KAZN: variants seen among roughly 807,000 people sequenced by gnomAD.
KAZN encodes kazrin, periplakin interacting protein.
Under a neutral mutation model 87.4 loss-of-function variants are expected in KAZN, and 40 were observed. The ratio of observed to expected loss-of-function variants is 0.46; its 90% CI spans 0.36 to 0.60. The LOEUF (loss-of-function observed/expected upper bound fraction) is 0.60, where lower values mean the gene tolerates loss of function less well. Ranked by LOEUF, KAZN falls within the 20% of genes least tolerant of loss-of-function variation. KAZN has a pLI of 0.00. For missense variants in KAZN, 898 were observed against 1,073.9 expected, an observed-to-expected ratio of 0.84 and a Z score of 2.29; for synonymous variants, 466 against 458.3, an observed-to-expected ratio of 1.02 and a Z score of -0.22.
At chr1:14,200,302 A>G (rs563109426) in intron 2 of KAZN, among the ~76,000 whole-genome samples, 6 of 152,322 alleles carry the variant, frequency 3.9e-5, no homozygotes, top group African/African-American at 1.4e-4. Flanking sequence ...AGCTTAGAAG[A>G]AAGTACACAG....
At chr1:14,801,301 C>T (rs1242519848) in intron 1 of KAZN, among the ~76,000 whole-genome samples, 1 of 152,142 alleles carries the variant, frequency 6.6e-6, no homozygotes, top group East Asian at 1.9e-4. Flanking sequence ...GGAGTCAAAA[C>T]CAGGAGAAAG....
chr1:14,842,112 G>C (rs1424662066), intron 1 of KAZN, among the ~76,000 whole-genome samples: 1 of 152,146 alleles, frequency 6.6e-6, no homozygotes, highest in Admixed American at 6.5e-5. Context: ...ATCTTTTGCT[G>C]ATTTGTCTTT....
intron 10 of KAZN, among the ~76,000 whole-genome samples, chr1:15,100,142 T>A (rs377509214): frequency 4.6e-5 from 7 of 152,120 alleles, no homozygotes; most frequent in East Asian, 3.9e-4. Flanking sequence ...CCCTCACGGG[T>A]GCCTTCCAGA....
intron 12 of KAZN, 49 bp from the exon 13 acceptor site, chr1:15,103,974 C>T: frequency 6.3e-7 from 1 of 1,580,572 alleles, no homozygotes; most frequent in Non-Finnish European, 8.6e-7. Flanking sequence ...CCCCTTAGGC[C>T]AGCAGCATGG....
intron 1 of KAZN, among the ~76,000 whole-genome samples, chr1:14,025,146 A>AT (rs1641013669): frequency 6.6e-6 from 1 of 152,170 alleles, no homozygotes; most frequent in African/African-American, 2.4e-5. Flanking sequence ...AGGGGAAGAC[A>AT]TTTTTTGCAT....
At position 14,068,864 on chromosome 1, in the gene KAZN, T is replaced by C. The variant is rs1557448559; in HGVS notation, c.92-111571T>C. On this transcript the variant is annotated intron_variant, in intron 1 of 16. Transcript: ENST00000636203. ...CCAGGCCTGGAGTGCAGTGGCGCCA[T>C]CTCAGCTTACTGCAACCTCTGCCTC... Among the ~76,000 whole-genome samples, 5 of 150,794 alleles carry C rather than the reference T, an allele frequency of 3.3e-5. No individual in the cohort carries two copies. In the South Asian group the frequency reaches 1.1e-3, roughly 32 times the overall value.
chr1:14,450,606 A>C (rs1342603675), intron 2 of KAZN, among the ~76,000 whole-genome samples: 4 of 152,014 alleles, frequency 2.6e-5, no homozygotes, highest in Non-Finnish European at 5.9e-5. Context: ...ACAAACAAAA[A>C]ACAACAACAG....
chr1:14,785,677 T>C (rs1390724603), intron 1 of KAZN, among the ~76,000 whole-genome samples: 1 of 152,186 alleles, frequency 6.6e-6, no homozygotes, highest in Non-Finnish European at 1.5e-5. Flanking sequence ...CTCAGTCTCC[T>C]CATCTCTAAG....
intron 2 of KAZN, among the ~76,000 whole-genome samples, chr1:14,417,447 G>T (rs1359577958): frequency 6.6e-6 from 1 of 152,156 alleles, no homozygotes; most frequent in Non-Finnish European, 1.5e-5. Context: ...GAACTAAGAA[G>T]CCTATAAGGA....
rs36056434 is a variant in KAZN at position 14,632,569 on chromosome 1, CTTTTTTT to C, written c.226+33357_226+33363del. Among the ~76,000 whole-genome samples, 3 of 131,168 alleles carry C rather than the reference CTTTTTTT, an allele frequency of 2.3e-5. No individual in the cohort carries two copies. In the East Asian group the frequency reaches 6.7e-4, roughly 29 times the overall value. 86.1% of individuals were successfully genotyped at this position (131,168 alleles called of 152,430 possible). On this transcript the variant is annotated intron_variant, in intron 1 of 14. Transcript: ENST00000376030. Reference sequence around the variant, plus strand: ...CAGCAGGAGAATCCTTTCTTTTGGGCTTTTTTTTTTTTTTTTTAATTCACTCATTGGA... The same window carrying C: ...CAGCAGGAGAATCCTTTCTTTTGGGCTTTTTTTTTTAATTCACTCATTGGA...
intron 1 of KAZN, among the ~76,000 whole-genome samples, chr1:14,150,604 T>C (rs944932374): frequency 3.9e-5 from 6 of 152,208 alleles, no homozygotes; most frequent in African/African-American, 1.4e-4. Flanking sequence ...TGTATGTTAA[T>C]TGAACTAGGC....
intron 2 of KAZN, among the ~76,000 whole-genome samples, chr1:14,548,114 C>T (rs978827657): frequency 2.0e-5 from 3 of 151,616 alleles, no homozygotes; most frequent in Non-Finnish European, 4.4e-5. Flanking sequence ...TTGTATTGGG[C>T]CGCATTCAAA....
intron 2 of KAZN, among the ~76,000 whole-genome samples, chr1:14,997,782 G>C (rs1668047901): frequency 6.6e-6 from 1 of 152,104 alleles, no homozygotes; most frequent in African/African-American, 2.4e-5. Context: ...GGGCACCTGG[G>C]GTCCACTGGG....
chr1:14,833,992 CACACACACACACACACAT>C (rs1162364457), intron 1 of KAZN, among the ~76,000 whole-genome samples: 27 of 150,570 alleles, frequency 1.8e-4, no homozygotes, highest in Non-Finnish European at 3.7e-4. Context: ...CACACACACA[CACACACACACACACACAT>C]ACACACACAT....
chr1:14,727,450 CTTTTTTTTTTTTTTTTTTTTTTTT>C lies in KAZN; in HGVS notation c.226+128250_226+128273del, dbSNP rs57203868. Among the ~76,000 whole-genome samples, 467 of 73,912 alleles carry C rather than the reference CTTTTTTTTTTTTTTTTTTTTTTTT, an allele frequency of 6.3e-3. 8 individuals are homozygous for C. Among genetic ancestry groups the C allele is most frequent in the African/African-American group, 0.015 (294 of 19,398 alleles). The allele number at this position is 73,912 out of a possible 152,430, so 48.5% of individuals were successfully genotyped here. The stretch of plus-strand genomic sequence containing the variant: ...GTCCATCACATTTATTGTGCACTTT[CTTTTTTTTTTTTTTTTTTTTTTTT>C]TTTTTTTTTTTTTTTTTTTTTTGAG... On this transcript the variant is annotated intron_variant, in intron 1 of 14. Coordinates refer to ENST00000376030, the MANE Select transcript of KAZN (RefSeq NM_201628.3).
intron 2 of KAZN, among the ~76,000 whole-genome samples, chr1:14,228,170 ATGT>A (rs1469970774): frequency 3.3e-5 from 5 of 152,114 alleles, no homozygotes; most frequent in Non-Finnish European, 5.9e-5. Context: ...GATGATGATG[ATGT>A]TGTTGATATT....
rs56216360 is a variant in KAZN, at chr1:14,145,761, A to G, written c.92-34674A>G. The stretch of plus-strand genomic sequence containing the variant: ...ACACCTGGCTAATTTTTGTATTTTT[A>G]GTAGAGACAGGGTTTCGCCATGTTG... On this transcript the variant is annotated intron_variant, in intron 1 of 16. Coordinates refer to the KAZN transcript ENST00000636203. 3.4e-3 allele frequency among the ~76,000 whole-genome samples: 522 copies of G among 152,188 alleles called. 5 individuals carry two copies. The highest frequency in any genetic ancestry group is 0.012 in the African/African-American group (479 of 41,534).
At chr1:15,098,708 C>CT (rs1021990181) in intron 10 of KAZN, among the ~76,000 whole-genome samples, 16 of 152,220 alleles carry the variant, frequency 1.1e-4, no homozygotes, top group African/African-American at 3.9e-4. Context: ...GCCCCAGGAC[C>CT]TTTTCATCCT....
chr1:14,680,926 C>G (rs887109639), intron 1 of KAZN, among the ~76,000 whole-genome samples: 1 of 152,192 alleles, frequency 6.6e-6, no homozygotes, highest in Non-Finnish European at 1.5e-5. Context: ...AAGCATGGTG[C>G]TGGCGTGCTT....
Sources: allele counts gnomAD v4.1 joint callset (sites outside exome capture counted in the v4.1 genomes callset), GRCh38; gene constraint gnomAD v4.1.1; transcripts MANE v1.5; gene names NCBI Gene and HGNC (gene_info 2026-07-23, HGNC 2026-07-21).